CDK14: variants seen among roughly 807,000 people sequenced by gnomAD.
CDK14 encodes the protein cyclin dependent kinase 14.
CDK14 carries 34 observed loss-of-function variants against 60.7 expected under a neutral mutation model. That is an observed-to-expected ratio of 0.56 (90% confidence interval 0.43 to 0.75). CDK14 has a LOEUF of 0.75. Ranked by LOEUF, CDK14 falls within the 30% of genes least tolerant of loss-of-function variation. The pLI is 0.00. For synonymous variants in CDK14, 197 were observed against 203.7 expected, an observed-to-expected ratio of 0.97 and a Z score of 0.28; for missense variants, 482 against 564.1, an observed-to-expected ratio of 0.85 and a Z score of 1.47.
intron 10 of CDK14, among the ~76,000 whole-genome samples, chr7:91,002,888 C>T (rs563909625): frequency 5.3e-5 from 8 of 152,112 alleles, no homozygotes; most frequent in East Asian, 3.9e-4. Context: ...CTGGCTAACA[C>T]GGTGAAACCC....
intron 7 of CDK14, among the ~76,000 whole-genome samples, chr7:90,900,057 T>C (rs1792455071): frequency 6.6e-6 from 1 of 152,216 alleles, no homozygotes; most frequent in African/African-American, 2.4e-5. Flanking sequence ...AGTAAACTTA[T>C]TCATCTCAAT....
chr7:90,629,888 G>A (rs538214163), intron 2 of CDK14, among the ~76,000 whole-genome samples: 7 of 152,122 alleles, frequency 4.6e-5, no homozygotes, highest in African/African-American at 7.2e-5. Flanking sequence ...TTAGCCAGGC[G>A]TGGTGGCGTG....
chr7:90,599,485 G>A (rs1384621738), intron 1 of CDK14, among the ~76,000 whole-genome samples: 1 of 152,160 alleles, frequency 6.6e-6, no homozygotes, highest in African/African-American at 2.4e-5. Flanking sequence ...GTCCTCATCT[G>A]TAAATATTCA....
chr7:90,683,737 G>T (rs976066819), intron 2 of CDK14, among the ~76,000 whole-genome samples: 2 of 152,218 alleles, frequency 1.3e-5, no homozygotes, highest in African/African-American at 4.8e-5. Flanking sequence ...GGAGGCAGAG[G>T]TTGCAGTGAG....
At chr7:91,116,020 C>T (rs1429142258) in intron 13 of CDK14, among the ~76,000 whole-genome samples, 1 of 152,140 alleles carries the variant, frequency 6.6e-6, no homozygotes, top group Non-Finnish European at 1.5e-5. Flanking sequence ...GGCACCCTGT[C>T]ATTCTCCCTC....
At chr7:91,191,866 G>C (rs900940999) in intron 14 of CDK14, among the ~76,000 whole-genome samples, 2 of 152,016 alleles carry the variant, frequency 1.3e-5, no homozygotes, top group African/African-American at 4.8e-5. Context: ...AAATTGTGTG[G>C]ATCAGAGAAC....
At chr7:90,900,509 T>A (rs1259370296) in intron 7 of CDK14, among the ~76,000 whole-genome samples, 2 of 152,176 alleles carry the variant, frequency 1.3e-5, no homozygotes, top group Admixed American at 6.5e-5. Context: ...TATTATAACA[T>A]GAACATAATT....
At chr7:90,748,092 A>G (rs1339642240) in intron 4 of CDK14, among the ~76,000 whole-genome samples, 1 of 152,156 alleles carries the variant, frequency 6.6e-6, no homozygotes, top group East Asian at 1.9e-4. Context: ...TTAATTTCTC[A>G]TAGAGATTTA....
intron 12 of CDK14, among the ~76,000 whole-genome samples, chr7:91,097,632 A>G (rs1394432514): frequency 1.3e-5 from 2 of 151,730 alleles, no homozygotes; most frequent in Non-Finnish European, 2.9e-5. Flanking sequence ...TATAGATGGA[A>G]TGATACAGGG....
chr7:91,168,799 A>C (rs1466177396), intron 14 of CDK14, among the ~76,000 whole-genome samples: 1 of 152,104 alleles, frequency 6.6e-6, no homozygotes, highest in Non-Finnish European at 1.5e-5. Flanking sequence ...AAGACAAGGG[A>C]GATTATTATT....
At chr7:90,887,567 C>G (rs1042601702) in intron 6 of CDK14, among the ~76,000 whole-genome samples, 4 of 152,172 alleles carry the variant, frequency 2.6e-5, no homozygotes, top group African/African-American at 9.6e-5. Context: ...ATTTTTCAAA[C>G]TATTTCTCCC....
intron 11 of CDK14, among the ~76,000 whole-genome samples, chr7:91,069,315 G>T (rs953723175): frequency 6.6e-6 from 1 of 152,170 alleles, no homozygotes; most frequent in Non-Finnish European, 1.5e-5. Context: ...GAGGCGGGAG[G>T]ATCGCTTGAG....
chr7:91,069,258 G>A (rs946591001), intron 11 of CDK14, among the ~76,000 whole-genome samples: 1 of 152,180 alleles, frequency 6.6e-6, no homozygotes, highest in Non-Finnish European at 1.5e-5. Context: ...CAGACAAGAA[G>A]TCAGGCACAG....
chr7:91,197,401 CA>C (rs11344173), intron 14 of CDK14, among the ~76,000 whole-genome samples: 78,569 of 120,162 alleles, frequency 0.65, 24,795 homozygotes, highest in Non-Finnish European at 0.74. Flanking sequence ...GACTCTGTCT[CA>C]AAAAAAAAAA....
intron 2 of CDK14, among the ~76,000 whole-genome samples, chr7:90,620,676 G>T (rs1049038290): frequency 3.9e-5 from 6 of 152,170 alleles, no homozygotes; most frequent in Non-Finnish European, 1.5e-5. Context: ...GTTTCATAGA[G>T]CTGGGCTGTG....
At chr7:90,887,422 C>T (rs569446476) in intron 6 of CDK14, among the ~76,000 whole-genome samples, 81 of 152,290 alleles carry the variant, frequency 5.3e-4, no homozygotes, top group Admixed American at 8.5e-4. Flanking sequence ...CCTCTTTCAT[C>T]ATATGTAGCA....
intron 9 of CDK14, among the ~76,000 whole-genome samples, chr7:90,977,827 T>C (rs1414665414): frequency 6.6e-6 from 1 of 152,082 alleles, no homozygotes. Context: ...GAGCCCTTAT[T>C]ATGTGCCTGA....
chr7:90,858,277 G>A (rs1457157474), intron 5 of CDK14, among the ~76,000 whole-genome samples: 1 of 152,142 alleles, frequency 6.6e-6, no homozygotes, highest in Non-Finnish European at 1.5e-5. Flanking sequence ...GAAATTGTGG[G>A]ACAAACACAG....
intron 7 of CDK14, 78 bp downstream of exon 7, chr7:90,899,431 A>G (rs1266852805): frequency 9.2e-7 from 1 of 1,086,714 alleles, no homozygotes; most frequent in Non-Finnish European, 1.3e-6. Flanking sequence ...CATCTCTACC[A>G]TAACATATTT....
Sources: gnomAD v4.1 joint callset for allele counts (sites outside exome capture counted in the v4.1 genomes callset) on GRCh38, gnomAD v4.1.1 for gene constraint, MANE v1.5 for transcripts, NCBI Gene and HGNC (gene_info 2026-07-23, HGNC 2026-07-21) for gene names.